CAMK1D: variants seen among roughly 807,000 people sequenced by gnomAD.
CAMK1D encodes calcium/calmodulin dependent protein kinase ID.
Under a neutral mutation model 47.7 loss-of-function variants are expected in CAMK1D, and 9 were observed. The observed-to-expected ratio is 0.19, with a 90% confidence interval of 0.11 to 0.33. The LOEUF (loss-of-function observed/expected upper bound fraction) is 0.33. CAMK1D is among the 10% of genes least tolerant of loss of function. The probability of loss-of-function intolerance (pLI) is 1.00; values close to 1 mark genes in which losing one functional copy is unlikely to be tolerated. For missense variants in CAMK1D, 291 were observed against 488.7 expected, an observed-to-expected ratio of 0.60 and a Z score of 3.81; for synonymous variants, 184 against 184.9, an observed-to-expected ratio of 0.99 and a Z score of 0.04.
intron 6 of CAMK1D, among the ~76,000 whole-genome samples, chr10:12,795,345 C>A (rs2131012177): frequency 6.6e-6 from 1 of 152,278 alleles, no homozygotes; most frequent in Non-Finnish European, 1.5e-5. Context: ...GACATCAGAA[C>A]TCGTTTGTCT....
chr10:12,746,280 C>T (rs888396265), intron 3 of CAMK1D, among the ~76,000 whole-genome samples: 3 of 148,782 alleles, frequency 2.0e-5, no homozygotes, highest in African/African-American at 7.6e-5. Flanking sequence ...AGGAGAATGG[C>T]GTGAACCCGG....
intron 1 of CAMK1D, among the ~76,000 whole-genome samples, chr10:12,416,227 A>G (rs545289327): frequency 6.6e-6 from 1 of 152,232 alleles, no homozygotes; most frequent in South Asian, 2.1e-4. Flanking sequence ...CGTTAACTAT[A>G]TTAATGGAGA....
chr10:12,805,621 C>T (rs1008202615), intron 6 of CAMK1D, among the ~76,000 whole-genome samples: 8 of 152,122 alleles, frequency 5.3e-5, no homozygotes, highest in Non-Finnish European at 1.0e-4. Context: ...CCACCCACCT[C>T]GGCCTCCCAA....
intron 3 of CAMK1D, among the ~76,000 whole-genome samples, chr10:12,728,361 G>A (rs547456922): frequency 6.6e-6 from 1 of 152,358 alleles, no homozygotes; most frequent in African/African-American, 2.4e-5. Flanking sequence ...TTCTTGGGCA[G>A]CGCTAGTTAC....
At chr10:12,751,081 GATAAGAT>G (rs1564535407) in intron 3 of CAMK1D, among the ~76,000 whole-genome samples, 3 of 61,812 alleles carry the variant, frequency 4.9e-5, no homozygotes, top group East Asian at 1.1e-3. Context: ...GATAAGATAA[GATAAGAT>G]AAGATAAGAT....
chr10:12,423,168 C>A (rs1379044259), intron 1 of CAMK1D, among the ~76,000 whole-genome samples: 1 of 152,094 alleles, frequency 6.6e-6, no homozygotes, highest in African/African-American at 2.4e-5. Context: ...TCCTTTTGTA[C>A]TATCCATCTC....
chr10:12,487,685 A>G (rs1834258143), intron 1 of CAMK1D, among the ~76,000 whole-genome samples: 1 of 152,234 alleles, frequency 6.6e-6, no homozygotes, highest in South Asian at 2.1e-4. Context: ...TGTGGATCCT[A>G]CAAGGGGCTT....
At position 12,577,413 on chromosome 10, in the gene CAMK1D, G is replaced by A. The variant is rs532200352; in HGVS notation, c.224+24057G>A. Among the ~76,000 whole-genome samples, 217 of 152,296 alleles carry A rather than the reference G, an allele frequency of 1.4e-3. 2 individuals carry two copies. The highest frequency in any genetic ancestry group is 2.5e-3 in the Non-Finnish European group (168 of 68,032). ...ATCTACCCAGTTCTGGATTCAGATCGTTACAGGCCCAAAGCACTGAAACAT... is the reference window on the plus strand; with the variant it reads ...ATCTACCCAGTTCTGGATTCAGATCATTACAGGCCCAAAGCACTGAAACAT... On this transcript the variant is annotated intron_variant, in intron 2 of 10. Coordinates refer to ENST00000619168, the MANE Select transcript of CAMK1D (RefSeq NM_153498.4).
chr10:12,384,069 A>G (rs2131877765), intron 1 of CAMK1D, among the ~76,000 whole-genome samples: 1 of 152,356 alleles, frequency 6.6e-6, no homozygotes, highest in South Asian at 2.1e-4. Flanking sequence ...GCAAGGAAAA[A>G]TAAAAAAAGA....
At chr10:12,573,230 A>G (rs561561556) in intron 2 of CAMK1D, among the ~76,000 whole-genome samples, 73 of 152,342 alleles carry the variant, frequency 4.8e-4, no homozygotes, top group Middle Eastern at 3.4e-3. Context: ...CAGCCCTGGG[A>G]TAGAAAGCAG....
chr10:12,811,644 C>T (rs921235482), intron 6 of CAMK1D, among the ~76,000 whole-genome samples: 9 of 152,144 alleles, frequency 5.9e-5, no homozygotes, highest in African/African-American at 2.2e-4. Flanking sequence ...AAAACTGGCA[C>T]CCAGAGAATA....
chr10:12,376,053 C>T (rs577574845), intron 1 of CAMK1D, among the ~76,000 whole-genome samples: 119 of 148,722 alleles, frequency 8.0e-4, no homozygotes, highest in Admixed American at 1.4e-3. Context: ...GTCCCAGCTA[C>T]TCGGGAGGCT....
At chr10:12,378,771 C>T (rs370833402) in intron 1 of CAMK1D, among the ~76,000 whole-genome samples, 2 of 151,080 alleles carry the variant, frequency 1.3e-5, no homozygotes, top group East Asian at 3.9e-4. Flanking sequence ...CTCATGAGAT[C>T]TCTATCCAAG....
chr10:12,659,500 A>G (rs1167335159), intron 2 of CAMK1D, among the ~76,000 whole-genome samples: 2 of 152,262 alleles, frequency 1.3e-5, no homozygotes, highest in African/African-American at 4.8e-5. Flanking sequence ...AATGAAAGGT[A>G]TTACTTTTAA....
intron 1 of CAMK1D, among the ~76,000 whole-genome samples, chr10:12,401,665 G>A (rs1588445475): frequency 1.3e-5 from 2 of 151,836 alleles, no homozygotes; most frequent in East Asian, 3.9e-4. Context: ...CTCAGGGAAG[G>A]CTTCACAGAG....
At chr10:12,362,980 A>T (rs1276881401) in intron 1 of CAMK1D, among the ~76,000 whole-genome samples, 4 of 124,060 alleles carry the variant, frequency 3.2e-5, no homozygotes, top group Non-Finnish European at 6.6e-5. Flanking sequence ...TCACTCTGTC[A>T]TGGAGGCTAG....
chr10:12,628,517 C>T (rs560158477), intron 2 of CAMK1D, among the ~76,000 whole-genome samples: 1 of 152,164 alleles, frequency 6.6e-6, no homozygotes, highest in South Asian at 2.1e-4. Flanking sequence ...ACCCAATTTG[C>T]CCTATTATTA....
At chr10:12,677,677 G>A (rs1840857574) in intron 3 of CAMK1D, among the ~76,000 whole-genome samples, 1 of 152,162 alleles carries the variant, frequency 6.6e-6, no homozygotes, top group Non-Finnish European at 1.5e-5. Flanking sequence ...GCCTGGGAGG[G>A]AAGAAGAGTC....
chr10:12,672,565 T>C (rs1382611275), intron 3 of CAMK1D, among the ~76,000 whole-genome samples: 1 of 151,908 alleles, frequency 6.6e-6, no homozygotes, highest in East Asian at 1.9e-4. Flanking sequence ...GAGACAGGGT[T>C]TCACCATGTT....
Sources: gnomAD v4.1 joint callset for allele counts (sites outside exome capture counted in the v4.1 genomes callset) on GRCh38, gnomAD v4.1.1 for gene constraint, MANE v1.5 for transcripts, NCBI Gene and HGNC (gene_info 2026-07-23, HGNC 2026-07-21) for gene names.